The following ISM1 variants were observed in gnomAD, a reference collection of about 807,000 sequenced individuals.
The protein encoded by ISM1 is isthmin-1.
Under a neutral mutation model 46.3 loss-of-function variants are expected in ISM1, and 25 were observed. The ratio of observed to expected loss-of-function variants is 0.54; its 90% CI spans 0.39 to 0.75. The LOEUF (loss-of-function observed/expected upper bound fraction) is 0.75. Ranked by LOEUF, ISM1 falls within the 30% of genes least tolerant of loss-of-function variation. The pLI, the probability that ISM1 is intolerant of heterozygous loss-of-function variation, is 0.00. For missense variants in ISM1, 536 were observed against 625.4 expected, an observed-to-expected ratio of 0.86 and a Z score of 1.52; for synonymous variants, 255 against 256.7, an observed-to-expected ratio of 0.99 and a Z score of 0.06.
chr20:13,222,023 C>T, intron 1 of ISM1, 109 bp downstream of exon 1: 1 of 1,034,388 alleles, frequency 9.7e-7, no homozygotes. Context: ...CCTGCCCCAC[C>T]TAAGAGCAAC....
At chr20:13,288,433 C>T in intron 3 of ISM1, 107 bp from the exon 4 acceptor site, 1 of 1,226,194 alleles carries the variant, frequency 8.2e-7, no homozygotes, top group Non-Finnish European at 1.1e-6. Context: ...CAGCAATCCC[C>T]TCCCACAGCG....
the ISM1 span, among the ~76,000 whole-genome samples, chr20:13,313,609 A>G: frequency 1.3e-5 from 2 of 152,202 alleles, no homozygotes; most frequent in African/African-American, 2.4e-5. Context: ...TCTTTGCTCA[A>G]TTAAACTCTG....
At chr20:13,320,456 G>T in the ISM1 span, among the ~76,000 whole-genome samples, 1 of 152,118 alleles carries the variant, frequency 6.6e-6, no homozygotes, top group South Asian at 2.1e-4. Context: ...CCGAACTCTG[G>T]TTAATTTAAA....
intron 1 of ISM1, among the ~76,000 whole-genome samples, chr20:13,226,838 T>C (rs928086438): frequency 6.6e-6 from 1 of 152,214 alleles, no homozygotes; most frequent in African/African-American, 2.4e-5. Flanking sequence ...AGCCAAACCA[T>C]GTGGTTGCTT....
intron 2 of ISM1, among the ~76,000 whole-genome samples, chr20:13,273,996 T>C (rs201235148): frequency 6.6e-6 from 1 of 152,120 alleles, no homozygotes; most frequent in Non-Finnish European, 1.5e-5. Flanking sequence ...CTCAGAAAGA[T>C]GTTCAAAGAA....
intron 1 of ISM1, among the ~76,000 whole-genome samples, chr20:13,234,555 A>T (rs536973287): frequency 3.9e-5 from 6 of 152,280 alleles, no homozygotes; most frequent in Middle Eastern, 6.8e-3. Context: ...GGTTGTGCTT[A>T]TTTACATTCC....
chr20:13,280,379 G>A (rs748819508), intron 3 of ISM1, among the ~76,000 whole-genome samples: 4 of 131,422 alleles, frequency 3.0e-5, no homozygotes, highest in Non-Finnish European at 6.2e-5. Flanking sequence ...TGTGTCTCAG[G>A]TCTTCAAAGT....
intron 1 of ISM1, among the ~76,000 whole-genome samples, chr20:13,233,769 A>G (rs1372107413): frequency 6.6e-6 from 1 of 152,132 alleles, no homozygotes; most frequent in African/African-American, 2.4e-5. Flanking sequence ...TCTTACACAT[A>G]AGGTAACCCA....
chr20:13,261,284 G>C (rs1401021324), intron 1 of ISM1, among the ~76,000 whole-genome samples: 1 of 152,026 alleles, frequency 6.6e-6, no homozygotes, highest in Non-Finnish European at 1.5e-5. Flanking sequence ...GTGTGGTGGT[G>C]GTGGGCACCT....
At chr20:13,321,630 T>C in the ISM1 span, among the ~76,000 whole-genome samples, 1 of 152,234 alleles carries the variant, frequency 6.6e-6, no homozygotes, top group Non-Finnish European at 1.5e-5. Context: ...CCTCGGCTTC[T>C]AGCCCAGGGC....
intron 3 of ISM1, among the ~76,000 whole-genome samples, 168 bp from the exon 4 acceptor site, chr20:13,288,372 A>G (rs2040315857): frequency 6.6e-6 from 1 of 152,198 alleles, no homozygotes; most frequent in Non-Finnish European, 1.5e-5. Flanking sequence ...GCTGATCCCT[A>G]AATGAGCCCT....
chr20:13,310,910 G>A, the ISM1 span, among the ~76,000 whole-genome samples: 2 of 152,122 alleles, frequency 1.3e-5, no homozygotes, highest in African/African-American at 4.8e-5. Flanking sequence ...AAAATATAAA[G>A]AGGCCAGGCA....
chr20:13,269,934 A>AGGATGGAT (rs60897306), intron 1 of ISM1, among the ~76,000 whole-genome samples: 13,983 of 149,772 alleles, frequency 0.093, 856 homozygotes, highest in African/African-American at 0.15. Context: ...TGTGGGTGGA[A>AGGATGGAT]GGATGGATGG....
intron 4 of ISM1, among the ~76,000 whole-genome samples, chr20:13,291,217 G>A (rs58382629): frequency 0.024 from 3,725 of 152,228 alleles, 145 homozygotes; most frequent in African/African-American, 0.084. Context: ...TTTTCTTCTC[G>A]TGTGTCCTCA....
At chr20:13,242,395 G>A (rs1228898374) in intron 1 of ISM1, among the ~76,000 whole-genome samples, 1 of 152,188 alleles carries the variant, frequency 6.6e-6, no homozygotes, top group Admixed American at 6.5e-5. Context: ...AGGAGGAAGG[G>A]GAAGAAAAAG....
At position 13,279,700 on chromosome 20, in the gene ISM1, C is replaced by T. The variant is rs751111048; in HGVS notation, c.445C>T (p.Pro149Ser). The T allele has an allele frequency of 1.9e-6, 3 of 1,614,016 alleles. No individual in the cohort carries two copies. Among genetic ancestry groups the T allele is most frequent in the Admixed American group, 1.7e-5 (1 of 60,028 alleles). Reference sequence around the variant, plus strand: ...TAAAGATCAGCATCCGGAGAATAAGCCCAGCTGGTCAGTCCCATCCCCCGA... The same window carrying T: ...TAAAGATCAGCATCCGGAGAATAAGTCCAGCTGGTCAGTCCCATCCCCCGA... ...ADKDQHPENK[P>S]SWSVPSPDWR... Residue 149 changes from proline to serine, a missense_variant, in exon 3 of 6, where the codon CCC becomes TCC. Pro to Ser is a moderately conservative substitution (Grantham distance 74, BLOSUM62 -1). Transcript: ENST00000262487.
At chr20:13,274,242 C>T (rs1406716219) in intron 2 of ISM1, among the ~76,000 whole-genome samples, 1 of 152,148 alleles carries the variant, frequency 6.6e-6, no homozygotes, top group East Asian at 1.9e-4. Flanking sequence ...GCAGCCCTCA[C>T]CCCTTCCTCA....
chr20:13,258,607 A>G (rs1200648320), intron 1 of ISM1, among the ~76,000 whole-genome samples: 1 of 152,118 alleles, frequency 6.6e-6, no homozygotes, highest in African/African-American at 2.4e-5. Flanking sequence ...ACCACATCCC[A>G]AAAGAAAGCC....
intron 1 of ISM1, among the ~76,000 whole-genome samples, chr20:13,249,496 A>G (rs546644459): frequency 4.6e-5 from 7 of 152,320 alleles, no homozygotes; most frequent in East Asian, 3.9e-4. Flanking sequence ...CAAAAGCCCA[A>G]TCGAGGATGT....
Sources: allele counts gnomAD v4.1 joint callset (sites outside exome capture counted in the v4.1 genomes callset), GRCh38; gene constraint gnomAD v4.1.1; transcripts MANE v1.5; gene names NCBI Gene and HGNC (gene_info 2026-07-23, HGNC 2026-07-21).